Variants in MRC1 observed in about 807,000 individuals in gnomAD.
MRC1 encodes macrophage mannose receptor 1.
A neutral mutation model predicts 102.9 loss-of-function variants in MRC1; 62 were observed. The observed-to-expected ratio is 0.60, with a 90% CI of 0.49 to 0.74. The LOEUF (loss-of-function observed/expected upper bound fraction) is 0.74. Ranked by LOEUF, MRC1 falls within the 30% of genes least tolerant of loss-of-function variation. The pLI is 0.00. For synonymous variants in MRC1, 457 were observed against 298.4 expected (o/e 1.53, Z -5.48); for missense variants, 1,237 against 862.8 (o/e 1.43, Z -5.43).
At chr10:17,880,398 AAAAAT>A in intron 19 of MRC1, 122 bp from the exon 20 acceptor site, 1 of 717,762 alleles carries the variant, frequency 1.4e-6, no homozygotes, top group East Asian at 2.7e-5. Flanking sequence ...AGTCACATAT[AAAAAT>A]AAAGTTTGAT....
chr10:17,904,787 A>C (rs1044422596), intron 26 of MRC1, among the ~76,000 whole-genome samples: 8 of 152,214 alleles, frequency 5.3e-5, no homozygotes, highest in Admixed American at 5.2e-4. Context: ...TCAGACATGC[A>C]CATAGCCTTG....
chr10:17,841,254 T>C (rs1301366262), intron 5 of MRC1, among the ~76,000 whole-genome samples: 1 of 152,216 alleles, frequency 6.6e-6, no homozygotes, highest in Non-Finnish European at 1.5e-5. Flanking sequence ...ATTGAAATTA[T>C]TTTGGGTTGG....
chr10:17,897,744 A>T (rs1354139722), intron 23 of MRC1, among the ~76,000 whole-genome samples: 3 of 152,250 alleles, frequency 2.0e-5, no homozygotes, highest in African/African-American at 7.2e-5. Context: ...TCAAGATACC[A>T]GATTGGATTG....
intron 6 of MRC1, among the ~76,000 whole-genome samples, chr10:17,849,316 A>AAG (rs1554840438): frequency 1.3e-5 from 2 of 151,134 alleles, no homozygotes; most frequent in East Asian, 2.0e-4. Context: ...AAAAAAAAAA[A>AAG]AAAGAAAGAA....
chr10:17,902,171 G>T, intron 26 of MRC1, 49 bp downstream of exon 26: 1 of 752,430 alleles, frequency 1.3e-6, no homozygotes, highest in South Asian at 1.4e-5. Flanking sequence ...TCTATTCTGG[G>T]GTCCACTGAC....
At chr10:17,880,102 C>T (rs1197793033) in intron 19 of MRC1, among the ~76,000 whole-genome samples, 2 of 152,150 alleles carry the variant, frequency 1.3e-5, no homozygotes, top group Non-Finnish European at 2.9e-5. Flanking sequence ...ATTTGTTTAT[C>T]TATCTCCTTT....
At chr10:17,818,514 G>C (rs1838346280) in intron 1 of MRC1, among the ~76,000 whole-genome samples, 1 of 152,154 alleles carries the variant, frequency 6.6e-6, no homozygotes, top group Non-Finnish European at 1.5e-5. Context: ...AGCCTGCTAC[G>C]ATGTTGACAC....
chr10:17,901,382 G>T (rs1833825888), intron 25 of MRC1, among the ~76,000 whole-genome samples: 1 of 152,194 alleles, frequency 6.6e-6, no homozygotes, highest in Non-Finnish European at 1.5e-5. Context: ...TTACTTTGTG[G>T]TGACTTTTAG....
intron 9 of MRC1, among the ~76,000 whole-genome samples, chr10:17,860,274 G>GTTT (rs35809277): frequency 2.1e-5 from 3 of 142,706 alleles, no homozygotes; most frequent in Non-Finnish European, 3.0e-5. Context: ...TAGCATTTCT[G>GTTT]TTTTTTTTTT....
At chr10:17,858,588 A>AGT (rs1468714787) in intron 9 of MRC1, among the ~76,000 whole-genome samples, 1 of 152,168 alleles carries the variant, frequency 6.6e-6, no homozygotes, top group Non-Finnish European at 1.5e-5. Flanking sequence ...CCCGGGCTCA[A>AGT]GTAATTCTTC....
chr10:17,814,339 C>A (rs1838273039), intron 1 of MRC1, among the ~76,000 whole-genome samples: 1 of 152,140 alleles, frequency 6.6e-6, no homozygotes, highest in Non-Finnish European at 1.5e-5. Context: ...ATCCCTTTAT[C>A]TGTATCAATT....
intron 12 of MRC1, among the ~76,000 whole-genome samples, chr10:17,867,280 CTTCCTTCTTTCTTCG>C (rs1432177924): frequency 2.1e-5 from 3 of 146,250 alleles, no homozygotes; most frequent in African/African-American, 7.5e-5. Context: ...TCCTCTTCTT[CTTCCTTCTTTCTTCG>C]TTCCTTCTTC....
intron 1 of MRC1, among the ~76,000 whole-genome samples, chr10:17,822,348 G>A (rs374766592): frequency 0.32 from 48,370 of 152,052 alleles, 7,755 homozygotes; most frequent in Non-Finnish European, 0.33. Context: ...TCTAGTCTGG[G>A]CGAGGTGGCT....
chr10:17,909,244 ATAT>A (rs1833936916), intron 28 of MRC1, 59 bp from the exon 29 acceptor site: 3 of 787,762 alleles, frequency 3.8e-6, no homozygotes. Context: ...GAGCCAAATA[ATAT>A]TTGCTATCTA....
intron 26 of MRC1, among the ~76,000 whole-genome samples, chr10:17,905,942 T>C (rs1167173418): frequency 6.6e-6 from 1 of 152,164 alleles, no homozygotes; most frequent in Admixed American, 6.5e-5. Flanking sequence ...CAAAGCAAAA[T>C]GTCCAGAATG....
chr10:17,864,827 CAAA>C (rs34931364), intron 11 of MRC1, among the ~76,000 whole-genome samples: 3,097 of 80,518 alleles, frequency 0.038, 70 homozygotes, highest in African/African-American at 0.095. Context: ...AAAACTCCAT[CAAA>C]AAAAAAAAAA....
chr10:17,833,537 A>AAAG (rs1838613356), intron 3 of MRC1, 138 bp from the exon 4 acceptor site: 1 of 692,178 alleles, frequency 1.4e-6, no homozygotes, highest in Admixed American at 2.4e-5. Context: ...AAAAAAAAAA[A>AAAG]GTAGAAAGGG....
intron 1 of MRC1, among the ~76,000 whole-genome samples, chr10:17,816,975 C>T (rs1227486789): frequency 2.6e-5 from 4 of 152,068 alleles, no homozygotes; most frequent in Admixed American, 6.5e-5. Context: ...AGGCCAGGCG[C>T]GGTGGCTCAT....
intron 15 of MRC1, among the ~76,000 whole-genome samples, chr10:17,873,162 A>G (rs1833378671): frequency 6.6e-6 from 1 of 152,184 alleles, no homozygotes; most frequent in Non-Finnish European, 1.5e-5. Flanking sequence ...AACAAAATCC[A>G]GATATATCAT....
Sources: gnomAD v4.1 joint callset for allele counts (sites outside exome capture counted in the v4.1 genomes callset) on GRCh38, gnomAD v4.1.1 for gene constraint, MANE v1.5 for transcripts, NCBI Gene and HGNC (gene_info 2026-07-23, HGNC 2026-07-21) for gene names.